The following NUP155 variants were observed in gnomAD, a reference collection of about 807,000 sequenced individuals.
The protein encoded by NUP155 is nucleoporin 155, also known as nuclear pore complex protein Nup155.
NUP155 carries 71 observed loss-of-function variants against 180.4 expected under a neutral mutation model. The ratio of observed to expected loss-of-function variants is 0.39; its 90% CI spans 0.33 to 0.48. The LOEUF is 0.48. Among genes scored for constraint, NUP155 ranks in the 20% least tolerant of loss-of-function variants. The pLI is 0.91. For synonymous variants in NUP155, 582 were observed against 559.5 expected (o/e 1.04, Z -0.57); for missense variants, 1,553 against 1,648.9 (o/e 0.94, Z 1.01).
chr5:37,324,056 T>G lies in NUP155; in HGVS notation c.2143A>C (p.Lys715Gln). The G allele has an allele frequency of 6.2e-7, 1 of 1,613,900 alleles. No individual in the cohort carries two copies. The highest frequency in any genetic ancestry group is 8.5e-7 in the Non-Finnish European group (1 of 1,179,882). The change falls in exon 20 of 35, where the codon AAG (lysine) becomes CAG (glutamine). Residue 715 changes from lysine (K) to glutamine (Q), a missense_variant. By Grantham distance (53) the Lys-to-Gln change is moderately conservative. Transcript: ENST00000231498. ...CTGTCTAGAAATTCCTGCAAACCCT[T>G]TAGTTCTTGTAGCACTGACTCTAGC... Reference protein sequence around the residue: ...QLLESVLQELKGLQEFLDRNS... With the variant: ...QLLESVLQELQGLQEFLDRNS...
chr5:37,360,012 G>A (rs941985899), intron 3 of NUP155, among the ~76,000 whole-genome samples: 2 of 152,042 alleles, frequency 1.3e-5, no homozygotes, highest in Non-Finnish European at 1.5e-5. Context: ...CAGCTACTCC[G>A]GAGGCTGAGG....
chr5:37,364,276 A>G lies in NUP155; in HGVS notation c.266T>C (p.Leu89Pro), dbSNP rs1747404887. 1.2e-6 allele frequency: 2 copies of G among 1,613,010 alleles called. No individual in the cohort carries two copies. The highest frequency in any genetic ancestry group is 1.1e-5 in the South Asian group (1 of 91,078). Residue 89 changes from leucine to proline, a missense_variant, in exon 2 of 35, where the codon CTC becomes CCC. Transcript: ENST00000231498. The stretch of plus-strand genomic sequence containing the variant: ...AAACTGCTCAACAAGTTCAGGTGGG[A>G]GAGGAACTCTTCGGATGGAACTGAT... Reference protein sequence around the residue: ...PEISSIRRVPLPPELVEQFGH... With the variant: ...PEISSIRRVPPPPELVEQFGH...
intron 4 of NUP155, among the ~76,000 whole-genome samples, chr5:37,354,104 C>T (rs76004800): frequency 0.048 from 7,371 of 152,272 alleles, 201 homozygotes; most frequent in South Asian, 0.081. Context: ...TATTTATACA[C>T]TTAATGCATC....
intron 9 of NUP155, among the ~76,000 whole-genome samples, chr5:37,348,303 C>CAAA (rs1554131045): frequency 6.8e-6 from 1 of 148,020 alleles, no homozygotes; most frequent in Non-Finnish European, 1.5e-5. Context: ...GACCCTGTCT[C>CAAA]AAAAAAATAA....
Position 37,335,157 on chromosome 5 carries a change from C to CAA in NUP155, c.1348-1526_1348-1525dup, listed in dbSNP as rs369127748. On this transcript the variant is annotated intron_variant, in intron 12 of 34. Coordinates refer to ENST00000231498, the MANE Select transcript of NUP155 (RefSeq NM_153485.3). Reference sequence around the variant, plus strand: ...TGGACGACAGAACAAGACTCTGTCACAAAAAAAAAAAAAAAAAAGTATTTT... The same window carrying CAA: ...TGGACGACAGAACAAGACTCTGTCACAAAAAAAAAAAAAAAAAAAAGTATTTT... Among the ~76,000 whole-genome samples, 96 of 62,148 alleles carry CAA rather than the reference C, an allele frequency of 1.5e-3. 3 individuals carry two copies. The highest frequency in any genetic ancestry group is 3.5e-3 in the African/African-American group (75 of 21,670). The allele number at this position is 62,148 out of a possible 152,430, so 40.8% of individuals were successfully genotyped here. A position where few individuals can be genotyped will look rare whatever the true frequency, so the allele number is the denominator to read the frequency against.
rs376387810 is a variant in NUP155 at position 37,293,036 on chromosome 5, T to A, written c.3931-51A>T. On this transcript the variant is annotated intron_variant, in intron 33 of 34. Transcript: ENST00000231498. ...TGTGAGGCAAATTGTGTCAATTGAT[T>A]ATTTAAATCATTTATACTAAAGTAG... 1.2e-5 allele frequency: 15 copies of A among 1,212,946 alleles called. No individual in the cohort carries two copies. The African/African-American group carries it at 1.8e-4, about 14-fold the overall frequency. 75.1% of individuals were successfully genotyped at this position (1,212,946 alleles called of 1,614,324 possible). A position where few individuals can be genotyped will look rare whatever the true frequency, so the allele number is the denominator to read the frequency against.
intron 20 of NUP155, among the ~76,000 whole-genome samples, chr5:37,323,406 A>G (rs1744375259): frequency 6.6e-6 from 1 of 152,192 alleles, no homozygotes; most frequent in Admixed American, 6.5e-5. Flanking sequence ...AAGTAGTAAT[A>G]CATGCTACAA....
intron 20 of NUP155, 29 bp downstream of exon 20, chr5:37,323,963 A>T: frequency 7.1e-7 from 1 of 1,404,368 alleles, no homozygotes; most frequent in Non-Finnish European, 1.0e-6. Flanking sequence ...AAAGAAAAAG[A>T]TGAATTAATA....
chr5:37,296,070 G>A (rs1375014974), intron 32 of NUP155, among the ~76,000 whole-genome samples: 10 of 147,088 alleles, frequency 6.8e-5, no homozygotes, highest in Non-Finnish European at 1.2e-4. Flanking sequence ...TCAGCCCCCC[G>A]CCCGGCCAGC....
At chr5:37,304,038 A>C (rs571667375) in intron 27 of NUP155, among the ~76,000 whole-genome samples, 98 of 152,184 alleles carry the variant, frequency 6.4e-4, no homozygotes, top group Non-Finnish European at 1.2e-3. Flanking sequence ...ACCTGAGCTC[A>C]GGAGTTTGAG....
chr5:37,348,672 G>C (rs1017713938), intron 8 of NUP155, 76 bp from the exon 9 acceptor site: 2 of 871,726 alleles, frequency 2.3e-6, no homozygotes, highest in African/African-American at 1.7e-5. Flanking sequence ...TCTTTTAAGG[G>C]ATCCTTTAAT....
Position 37,298,893 on chromosome 5 carries a change from A to T in NUP155, c.3768T>A (p.Ala1256=), listed in dbSNP as rs1031927669. The change falls in exon 32 of 35, where the codon GCT becomes GCA. Residue 1256 remains alanine (A), a synonymous_variant. Transcript: ENST00000231498. ...LKIVLLGKIY[A]GTPRFFPLDF... The stretch of plus-strand genomic sequence containing the variant: ...CTAAAGGAAAGAAGCGTGGTGTGCC[A>T]GCATAAATTTTGCCAAGGAGAACAA... 2.5e-6 allele frequency: 4 copies of T among 1,609,024 alleles called. No individual in the cohort carries two copies. The highest frequency in any genetic ancestry group is 3.4e-6 in the Non-Finnish European group (4 of 1,175,356).
chr5:37,362,023 G>C (rs754241476), intron 3 of NUP155, among the ~76,000 whole-genome samples: 20 of 152,182 alleles, frequency 1.3e-4, no homozygotes, highest in Non-Finnish European at 1.8e-4. Flanking sequence ...CATTGAAGTG[G>C]GCTTTCACCA....
At chr5:37,353,590 T>C (rs1424655554) in intron 4 of NUP155, among the ~76,000 whole-genome samples, 1 of 151,202 alleles carries the variant, frequency 6.6e-6, no homozygotes, top group Admixed American at 6.6e-5. Flanking sequence ...TCAAAAAAAA[T>C]AAAAAAATAA....
intron 21 of NUP155, among the ~76,000 whole-genome samples, chr5:37,316,624 C>G (rs1743903930): frequency 6.6e-6 from 1 of 152,040 alleles, no homozygotes; most frequent in Non-Finnish European, 1.5e-5. Context: ...GCCACCACGC[C>G]TGGCTAATTT....
rs141524015 is a variant in NUP155, at chr5:37,299,084, T to A, written c.3683-106A>T. 9.5e-6 allele frequency: 7 copies of A among 736,432 alleles called. No individual in the cohort carries two copies. In the East Asian group the frequency reaches 1.9e-4, roughly 20 times the overall value. 45.6% of individuals were successfully genotyped at this position (736,432 alleles called of 1,614,324 possible). A position where few individuals can be genotyped will look rare whatever the true frequency, so the allele number is the denominator to read the frequency against. On this transcript the variant is annotated intron_variant, in intron 31 of 34. Transcript: ENST00000231498. ...AAGGTTCAAAATACTTTAGAACAGA[T>A]AGTCACATTAATATGATTAACAGAT...
intron 4 of NUP155, among the ~76,000 whole-genome samples, chr5:37,357,501 A>G (rs568492496): frequency 6.6e-6 from 1 of 151,996 alleles, no homozygotes; most frequent in South Asian, 2.1e-4. Context: ...TGAAAAATCT[A>G]TAGTGCAAAA....
rs756599624 is a variant in NUP155 at position 37,298,985 on chromosome 5, CAA to C, written c.3683-9_3683-8del. 1 of 1,511,186 alleles carries C rather than the reference CAA, an allele frequency of 6.6e-7. No homozygotes were observed. Among genetic ancestry groups the C allele is most frequent in the East Asian group, 2.3e-5 (1 of 44,366 alleles). 93.6% of individuals were successfully genotyped at this position (1,511,186 alleles called of 1,614,324 possible). On this transcript the variant is annotated splice_polypyrimidine_tract_variant and splice_region_variant and intron_variant, in intron 31 of 34. Transcript: ENST00000231498. The stretch of plus-strand genomic sequence containing the variant: ...GTCACACTGTCACTCAATTCTGTAA[CAA>C]AAAGACATGTCATTTGAAACCCAAA...
At chr5:37,341,464 C>T (rs538875410) in intron 10 of NUP155, among the ~76,000 whole-genome samples, 17 of 152,310 alleles carry the variant, frequency 1.1e-4, no homozygotes, top group East Asian at 9.7e-4. Context: ...CGGGTTCAAG[C>T]GATTCTCCTG....
Sources: gnomAD v4.1 joint callset for allele counts (sites outside exome capture counted in the v4.1 genomes callset) on GRCh38, gnomAD v4.1.1 for gene constraint, MANE v1.5 for transcripts, NCBI Gene and HGNC (gene_info 2026-07-23, HGNC 2026-07-21) for gene names.